The following SNX4 variants were observed in gnomAD, a reference collection of about 807,000 sequenced individuals.
The protein encoded by SNX4 is sorting nexin 4, also known as sorting nexin-4.
In SNX4, 49 loss-of-function variants were observed where a neutral mutation model predicts 70.8. That is an observed-to-expected ratio of 0.69 (90% CI 0.55 to 0.88). SNX4 has a LOEUF of 0.88. Among genes scored for constraint, SNX4 ranks in the 40% least tolerant of loss-of-function variants. The probability of loss-of-function intolerance (pLI) is 0.00; values close to 1 mark genes in which losing one functional copy is unlikely to be tolerated. For missense variants in SNX4, 528 were observed against 544.8 expected, an observed-to-expected ratio of 0.97 and a Z score of 0.31; for synonymous variants, 206 against 183.8, an observed-to-expected ratio of 1.12 and a Z score of -0.98.
At chr3:125,519,954 G>GCCCCGC in intron 1 of SNX4, 78 bp downstream of exon 1, 2 of 1,081,880 alleles carry the variant, frequency 1.8e-6, no homozygotes, top group Non-Finnish European at 2.5e-6. Context: ...GCCCGGCCCA[G>GCCCCGC]CCCAGCCCAG....
At chr3:125,462,395 G>A (rs1015129963) in intron 9 of SNX4, among the ~76,000 whole-genome samples, 3 of 151,924 alleles carry the variant, frequency 2.0e-5, no homozygotes, top group East Asian at 1.9e-4. Flanking sequence ...TTCGAGACCA[G>A]CCTGGGCAAC....
chr3:125,503,062 A>G (rs1323700193), intron 2 of SNX4, among the ~76,000 whole-genome samples: 2 of 151,460 alleles, frequency 1.3e-5, no homozygotes, highest in Non-Finnish European at 2.9e-5. Context: ...TGGGACTACC[A>G]CACCTGGCTA....
chr3:125,515,173 C>A (rs1935246650), intron 1 of SNX4, among the ~76,000 whole-genome samples: 4 of 134,164 alleles, frequency 3.0e-5, no homozygotes, highest in Admixed American at 2.4e-4. Context: ...AATGGCAAAA[C>A]CCCATCTCTA....
intron 1 of SNX4, among the ~76,000 whole-genome samples, chr3:125,516,271 C>T (rs1038336079): frequency 6.6e-6 from 1 of 152,214 alleles, no homozygotes; most frequent in Non-Finnish European, 1.5e-5. Flanking sequence ...CTGTCCTCCA[C>T]TCCCTTGCTA....
chr3:125,454,049 A>C, intron 11 of SNX4, 94 bp from the exon 12 acceptor site: 1 of 987,978 alleles, frequency 1.0e-6, no homozygotes, highest in East Asian at 2.5e-5. Context: ...AAAGGAATCA[A>C]ATCTGATATA....
At chr3:125,473,599 GA>G in intron 8 of SNX4, among the ~76,000 whole-genome samples, 1 of 152,262 alleles carries the variant, frequency 6.6e-6, no homozygotes, top group African/African-American at 2.4e-5. Context: ...ATTTTTAGTA[GA>G]GATGAGGTTT....
chr3:125,492,107 C>CAAAA (rs60558490), intron 5 of SNX4, among the ~76,000 whole-genome samples: 17 of 47,402 alleles, frequency 3.6e-4, no homozygotes, highest in Non-Finnish European at 5.2e-4. Context: ...GACTCCATCT[C>CAAAA]AAAAAAAAAA....
At chr3:125,482,433 A>G (rs972426384) in intron 6 of SNX4, among the ~76,000 whole-genome samples, 9 of 151,820 alleles carry the variant, frequency 5.9e-5, no homozygotes, top group African/African-American at 2.2e-4. Context: ...TGTTGATTCT[A>G]CCTCCTAAAC....
intron 1 of SNX4, among the ~76,000 whole-genome samples, chr3:125,516,748 C>A (rs1935292455): frequency 1.3e-5 from 2 of 152,036 alleles, no homozygotes; most frequent in Non-Finnish European, 2.9e-5. Flanking sequence ...GGCTGAGGCA[C>A]AAGAATCACT....
intron 7 of SNX4, among the ~76,000 whole-genome samples, chr3:125,478,079 T>C (rs1043532441): frequency 4.6e-5 from 7 of 151,222 alleles, no homozygotes; most frequent in African/African-American, 7.3e-5. Context: ...ATTACTATTA[T>C]TATTATTATT....
intron 7 of SNX4, among the ~76,000 whole-genome samples, chr3:125,479,888 T>C (rs145441346): frequency 6.6e-6 from 1 of 152,304 alleles, no homozygotes; most frequent in East Asian, 1.9e-4. Context: ...AGACACAGGA[T>C]GGCCTAACAC....
chr3:125,480,654 C>T (rs1274840850), intron 6 of SNX4, among the ~76,000 whole-genome samples: 1 of 152,142 alleles, frequency 6.6e-6, no homozygotes. Context: ...CAATCATAAA[C>T]TCATGGTCTC....
At chr3:125,450,725 A>C (rs895742249) in intron 13 of SNX4, among the ~76,000 whole-genome samples, 1 of 152,200 alleles carries the variant, frequency 6.6e-6, no homozygotes, top group Admixed American at 6.5e-5. Flanking sequence ...TGTATCTTTC[A>C]CTATGGATAT....
intron 8 of SNX4, among the ~76,000 whole-genome samples, chr3:125,475,176 T>C (rs1409710020): frequency 6.6e-6 from 1 of 152,202 alleles, no homozygotes; most frequent in Non-Finnish European, 1.5e-5. Flanking sequence ...TGACATTTAA[T>C]TTTAATGTAT....
chr3:125,476,898 A>C, intron 7 of SNX4, 142 bp from the exon 8 acceptor site: 2 of 552,108 alleles, frequency 3.6e-6, no homozygotes, highest in Non-Finnish European at 6.4e-6. Context: ...CAAAAATCCC[A>C]TCCCCCTAAA....
At position 125,453,790 on chromosome 3, in the gene SNX4, A is replaced by G; in HGVS notation, c.1190+20T>C. The G allele has an allele frequency of 6.2e-7, 1 of 1,611,696 alleles. No homozygotes were observed. ...TATAGTCTACAAGCCTAGCTTACTTAAACATCGCAGCATCTTTACCTGCCT... is the reference window on the plus strand; with the variant it reads ...TATAGTCTACAAGCCTAGCTTACTTGAACATCGCAGCATCTTTACCTGCCT... On this transcript the variant is annotated intron_variant, in intron 12 of 13. Coordinates refer to ENST00000251775, the MANE Select transcript of SNX4 (RefSeq NM_003794.4).
chr3:125,462,416 C>G (rs1217265685), intron 9 of SNX4, among the ~76,000 whole-genome samples: 1 of 151,556 alleles, frequency 6.6e-6, no homozygotes, highest in Non-Finnish European at 1.5e-5. Flanking sequence ...ATGGCAAGAC[C>G]CTGTCTCTAC....
rs554113221 is a variant in SNX4 at position 125,520,108 on chromosome 3, G to A, written c.65C>T (p.Ser22Phe). The A allele has an allele frequency of 1.2e-4, 177 of 1,501,838 alleles. No individual in the cohort carries two copies. Among genetic ancestry groups the A allele is most frequent in the Non-Finnish European group, 1.5e-4 (169 of 1,130,080 alleles). The allele number at this position is 1,501,838 out of a possible 1,614,324, so 93.0% of individuals were successfully genotyped here. Residue 22 changes from serine (S) to phenylalanine (F), a missense_variant, in exon 1 of 14, where the codon TCC (serine) becomes TTC (phenylalanine). By Grantham distance (155) the Ser-to-Phe change is radical (BLOSUM62 -2). Around this residue, in one of 3 missense-constraint regions of SNX4, gnomAD observed 341 missense variants for 312.2 expected, o/e 1.09. Coordinates refer to ENST00000251775, the MANE Select transcript of SNX4 (RefSeq NM_003794.4). ...LQPAPLEPLGSPDAGLGAAVG... is the reference protein window; with the variant it reads ...LQPAPLEPLGFPDAGLGAAVG... The stretch of plus-strand genomic sequence containing the variant: ...CGCAGCCCCCAGCCCAGCGTCTGGG[G>A]AGCCCAGCGGCTCCAAGGGCGCCGG...
Position 125,493,616 on chromosome 3 carries a change from G to A in SNX4, c.597+3725C>T, listed in dbSNP as rs183659948. Among the ~76,000 whole-genome samples, 14 of 148,596 alleles carry A rather than the reference G, an allele frequency of 9.4e-5. No homozygotes were observed. The East Asian group carries it at 2.2e-3, about 23-fold the overall frequency. On this transcript the variant is annotated intron_variant, in intron 5 of 13. Transcript: ENST00000251775. ...TTGCAGTGAACCGAGATCACACCAC[G>A]GCACTCCAGCCTAAGTGACAGAGCG...
Sources: allele counts gnomAD v4.1 joint callset (sites outside exome capture counted in the v4.1 genomes callset), GRCh38; gene constraint gnomAD v4.1.1; regional missense constraint gnomAD v4.1.1; transcripts MANE v1.5; gene names NCBI Gene and HGNC (gene_info 2026-07-23, HGNC 2026-07-21).